Variants in CDHR2 observed in about 807,000 individuals in gnomAD.
CDHR2 encodes cadherin related family member 2.
CDHR2 carries 104 observed loss-of-function variants against 138.6 expected under a neutral mutation model. The observed-to-expected ratio is 0.75, with a 90% confidence interval of 0.64 to 0.88. The LOEUF is 0.88. CDHR2 is among the 40% of genes least tolerant of loss of function. CDHR2 has a pLI of 0.00. For missense variants in CDHR2, 1,624 were observed against 1,727.6 expected (o/e 0.94, Z 1.06); for synonymous variants, 755 against 742.8 (o/e 1.02, Z -0.27).
chr5:176,589,620 G>C lies in CDHR2; in HGVS notation c.3206+4G>C, dbSNP rs776410754. The C allele has an allele frequency of 1.2e-6, 2 of 1,613,720 alleles. No individual in the cohort carries two copies. The highest frequency in any genetic ancestry group is 2.2e-5 in the South Asian group (2 of 91,076). ...CCAACAGACAGGCGATTAATGCGTAGGTCTGGGGAGCCCCGGAGGGAGGGG... is the reference window on the plus strand; with the variant it reads ...CCAACAGACAGGCGATTAATGCGTACGTCTGGGGAGCCCCGGAGGGAGGGG... On this transcript the variant is annotated splice_donor_region_variant and intron_variant, in intron 24 of 31. Transcript: ENST00000261944.
In CDHR2 at chr5:176,577,354, G is replaced by A. The variant is rs557131374; in HGVS notation, c.1195-45G>A. The A allele has an allele frequency of 9.6e-6, 15 of 1,569,666 alleles. No individual in the cohort carries two copies. In the East Asian group the frequency reaches 3.2e-4, roughly 34 times the overall value. Reference sequence around the variant, plus strand: ...GGGGACTGGGGGAAGATGCAGGTGGGCAGAGCAGGGGGACAGGTCCCTGCT... The same window carrying A: ...GGGGACTGGGGGAAGATGCAGGTGGACAGAGCAGGGGGACAGGTCCCTGCT... On this transcript the variant is annotated intron_variant, in intron 12 of 31. Transcript: ENST00000261944.
At chr5:176,542,926 C>T (rs1757485539) in intron 1 of CDHR2, among the ~76,000 whole-genome samples, 1 of 152,134 alleles carries the variant, frequency 6.6e-6, no homozygotes, top group African/African-American at 2.4e-5. Flanking sequence ...CAGCGCGTCT[C>T]CGGCTCGCGG....
downstream of CDHR2, chr5:176,595,864 A>T: frequency 3.9e-6 from 2 of 508,166 alleles, no homozygotes; most frequent in Admixed American, 4.0e-5. Flanking sequence ...CTGCGGCTGG[A>T]GGGGTGGGGA....
chr5:176,575,058 C>G (rs759098251), intron 7 of CDHR2, 26 bp from the exon 8 acceptor site: 2 of 1,613,034 alleles, frequency 1.2e-6, no homozygotes, highest in East Asian at 2.2e-5. Context: ...CCCTAGGGAG[C>G]CTGACCCAAG....
At chr5:176,571,522 CAAA>C (rs137966232) in intron 6 of CDHR2, among the ~76,000 whole-genome samples, 2 of 141,286 alleles carry the variant, frequency 1.4e-5, no homozygotes, top group African/African-American at 5.2e-5. Context: ...GTGATGAAAG[CAAA>C]AAAAAAAAAG....
intron 3 of CDHR2, among the ~76,000 whole-genome samples, chr5:176,566,185 G>C (rs1399980139): frequency 6.6e-6 from 1 of 151,936 alleles, no homozygotes; most frequent in Non-Finnish European, 1.5e-5. Context: ...TATTTGTAAA[G>C]TTACTTTCTG....
chr5:176,571,333 A>T (rs10075573), intron 6 of CDHR2, 31 bp downstream of exon 6: 2 of 1,528,344 alleles, frequency 1.3e-6, no homozygotes, highest in South Asian at 1.2e-5. Context: ...GTTGTGGGGC[A>T]GGGGGCATCC....
At chr5:176,595,479 G>A in intron 31 of CDHR2, 53 bp from the exon 32 acceptor site, 2 of 1,513,588 alleles carry the variant, frequency 1.3e-6, no homozygotes, top group Non-Finnish European at 8.9e-7. Context: ...AGGGCCTGGG[G>A]CACTCGCCCC....
Position 176,543,213 on chromosome 5 carries a change from C to T in CDHR2, c.-16+444C>T, listed in dbSNP as rs931098885. ...CCGCCCCCTACCGCCGCGTGCTCGCCGGCCCTGCGCCCGGGGCGCTCGGCG... is the reference window on the plus strand; with the variant it reads ...CCGCCCCCTACCGCCGCGTGCTCGCTGGCCCTGCGCCCGGGGCGCTCGGCG... On this transcript the variant is annotated intron_variant, in intron 1 of 31. Transcript: ENST00000510636. This position sits in a 1 kb window ranked among gnomAD's most constrained non-coding sequence, Gnocchi z 4.0. 6.8e-6 allele frequency among the ~76,000 whole-genome samples: 1 copy of T among 147,810 alleles called. No homozygotes were observed. The highest frequency in any genetic ancestry group is 1.5e-5 in the Non-Finnish European group (1 of 66,480).
At chr5:176,565,178 C>A in intron 1 of CDHR2, 160 bp from the exon 2 acceptor site, 1 of 625,726 alleles carries the variant, frequency 1.6e-6, no homozygotes. Flanking sequence ...TTCCCCTGAC[C>A]CTAGAGCATC....
intron 24 of CDHR2, 22 bp from the exon 25 acceptor site, chr5:176,590,056 G>A (rs754035933): frequency 6.2e-7 from 1 of 1,608,208 alleles, no homozygotes. Flanking sequence ...CCAGGCCTCT[G>A]TGACATCTGC....
At chr5:176,545,242 G>A (rs575021510), upstream of CDHR2, among the ~76,000 whole-genome samples, 74 of 149,818 alleles carry the variant, frequency 4.9e-4, 2 homozygotes, top group South Asian at 8.3e-3. Flanking sequence ...TTGTGCCTCA[G>A]CCTCCTGAGC....
At chr5:176,583,887 G>A (rs1304951899) in intron 17 of CDHR2, among the ~76,000 whole-genome samples, 1 of 152,160 alleles carries the variant, frequency 6.6e-6, no homozygotes, top group African/African-American at 2.4e-5. Context: ...CCAGAACTGT[G>A]CTTCTAGAAA....
intron 6 of CDHR2, 145 bp downstream of exon 6, chr5:176,571,447 G>GAT (rs1301399011): frequency 1.9e-6 from 1 of 517,386 alleles, no homozygotes; most frequent in African/African-American, 2.1e-5. Flanking sequence ...CAAAGCCAGG[G>GAT]GGATGTAACC....
At chr5:176,592,082 TGGTGGTGGTGGTGATG>T (rs1758875310) in intron 30 of CDHR2, among the ~76,000 whole-genome samples, 1 of 112,698 alleles carries the variant, frequency 8.9e-6, no homozygotes. Context: ...GCAGTTATCG[TGGTGGTGGTGGTGATG>T]GTGGTGGTGA....
chr5:176,589,657 G>C (rs757319057), intron 24 of CDHR2, 41 bp downstream of exon 24: 6 of 1,566,820 alleles, frequency 3.8e-6, no homozygotes, highest in Non-Finnish European at 1.8e-6. Flanking sequence ...AGGAAGAACA[G>C]GGTGTAGGAG....
chr5:176,559,298 A>G (rs1757913547), intron 1 of CDHR2, among the ~76,000 whole-genome samples: 1 of 152,152 alleles, frequency 6.6e-6, no homozygotes, highest in African/African-American at 2.4e-5. Context: ...GACACCATTA[A>G]TCTCCCACAC....
chr5:176,556,438 G>A (rs568868260), intron 1 of CDHR2, among the ~76,000 whole-genome samples: 10 of 152,216 alleles, frequency 6.6e-5, no homozygotes, highest in East Asian at 5.8e-4. Context: ...AGGCCGAGGC[G>A]GGCGGATCAC....
upstream of CDHR2, among the ~76,000 whole-genome samples, chr5:176,545,593 C>T (rs961818430): frequency 3.3e-5 from 5 of 152,350 alleles, no homozygotes; most frequent in African/African-American, 1.2e-4. Context: ...ATCATTACTC[C>T]TTAGAACAGG....
Sources: allele counts gnomAD v4.1 joint callset (sites outside exome capture counted in the v4.1 genomes callset), GRCh38; gene constraint gnomAD v4.1.1; non-coding constraint Gnocchi (gnomAD v3.1); transcripts MANE v1.5; gene names NCBI Gene and HGNC (gene_info 2026-07-23, HGNC 2026-07-21).